ABCD3: variants seen among roughly 807,000 people sequenced by gnomAD.
ABCD3 encodes the protein ATP binding cassette subfamily D member 3.
In ABCD3, 41 loss-of-function variants were observed where a neutral mutation model predicts 105.5. The ratio of observed to expected loss-of-function variants is 0.39; its 90% confidence interval spans 0.30 to 0.50. The LOEUF (loss-of-function observed/expected upper bound fraction) is 0.50, where lower values mean the gene tolerates loss of function less well. ABCD3 is among the 20% of genes least tolerant of loss of function. The probability of loss-of-function intolerance (pLI) is 0.84; values close to 1 mark genes in which losing one functional copy is unlikely to be tolerated. For missense variants in ABCD3, 622 were observed against 806.3 expected (o/e 0.77, Z 2.77); for synonymous variants, 258 against 269.0 (o/e 0.96, Z 0.40).
At chr1:94,427,128 T>C (rs1659498699) in intron 1 of ABCD3, among the ~76,000 whole-genome samples, 1 of 152,152 alleles carries the variant, frequency 6.6e-6, no homozygotes, top group South Asian at 2.1e-4. Flanking sequence ...TTCCTTCTGG[T>C]AGTAGACCTG....
At chr1:94,466,970 G>A (rs1019715064) in intron 3 of ABCD3, among the ~76,000 whole-genome samples, 2 of 152,122 alleles carry the variant, frequency 1.3e-5, no homozygotes, top group Admixed American at 6.5e-5. Context: ...TTAAATATGT[G>A]TACTTGGGGT....
upstream of ABCD3, among the ~76,000 whole-genome samples, chr1:94,414,750 C>T (rs1294355434): frequency 6.6e-6 from 1 of 152,196 alleles, no homozygotes; most frequent in Non-Finnish European, 1.5e-5. Context: ...CTGCTTCGGT[C>T]TCTGCATCTT....
intron 9 of ABCD3, among the ~76,000 whole-genome samples, chr1:94,481,333 A>C (rs1363523964): frequency 6.6e-6 from 1 of 152,176 alleles, no homozygotes. Context: ...GGCATTTGCA[A>C]ATGACAGTTC....
At chr1:94,402,595 T>C in the ABCD3 span, among the ~76,000 whole-genome samples, 4 of 152,160 alleles carry the variant, frequency 2.6e-5, no homozygotes, top group Admixed American at 2.6e-4. Flanking sequence ...CTACCAATAG[T>C]ATTCCAGTTT....
chr1:94,445,279 C>T (rs1030131976), intron 1 of ABCD3, among the ~76,000 whole-genome samples: 4 of 152,190 alleles, frequency 2.6e-5, no homozygotes, highest in East Asian at 3.9e-4. Context: ...AAGGTCTCCA[C>T]GACCAAGGTG....
intron 1 of ABCD3, among the ~76,000 whole-genome samples, chr1:94,434,282 T>G (rs554970708): frequency 6.6e-6 from 1 of 152,226 alleles, no homozygotes; most frequent in Non-Finnish European, 1.5e-5. Flanking sequence ...GTCATTCATA[T>G]GATAGCAGTA....
At chr1:94,508,996 G>T (rs1415490076) in intron 21 of ABCD3, among the ~76,000 whole-genome samples, 2 of 152,006 alleles carry the variant, frequency 1.3e-5, no homozygotes, top group Non-Finnish European at 2.9e-5. Flanking sequence ...CTGCCTAATT[G>T]TCCTGGCCAG....
intron 1 of ABCD3, chr1:94,419,445 AC>A (rs758575892): frequency 1.9e-5 from 14 of 742,964 alleles, no homozygotes; most frequent in Non-Finnish European, 2.1e-5. Flanking sequence ...GAGCTGAATT[AC>A]GGTTGCGACA....
chr1:94,398,303 C>G, the ABCD3 span, among the ~76,000 whole-genome samples: 17 of 152,242 alleles, frequency 1.1e-4, no homozygotes, highest in Admixed American at 1.3e-4. Flanking sequence ...CATTTTCTGA[C>G]AGTGGGAAAC....
chr1:94,429,170 A>G (rs1659581556), intron 1 of ABCD3, among the ~76,000 whole-genome samples: 1 of 152,114 alleles, frequency 6.6e-6, no homozygotes, highest in African/African-American at 2.4e-5. Flanking sequence ...AACTTGAGAG[A>G]GGTGATTAGG....
chr1:94,454,052 A>T (rs1647414123), intron 1 of ABCD3, among the ~76,000 whole-genome samples: 2 of 151,846 alleles, frequency 1.3e-5, no homozygotes, highest in African/African-American at 2.4e-5. Context: ...ATGTATGGGC[A>T]TGCATATGTG....
At chr1:94,480,775 T>C (rs942838249) in intron 9 of ABCD3, among the ~76,000 whole-genome samples, 169 bp downstream of exon 9, 6 of 152,328 alleles carry the variant, frequency 3.9e-5, no homozygotes, top group Middle Eastern at 6.8e-3. Flanking sequence ...TAATCATGAA[T>C]ATTTTGAACT....
intron 1 of ABCD3, among the ~76,000 whole-genome samples, chr1:94,433,813 A>T (rs904410269): frequency 2.0e-5 from 3 of 146,570 alleles, no homozygotes; most frequent in African/African-American, 7.6e-5. Flanking sequence ...TGCCCTGCTA[A>T]TTTTTTTTTT....
chr1:94,389,264 G>A, the ABCD3 span, among the ~76,000 whole-genome samples: 1 of 152,154 alleles, frequency 6.6e-6, no homozygotes, highest in Non-Finnish European at 1.5e-5. Context: ...TTGGGAACAG[G>A]CCCCCACATC....
In ABCD3 at chr1:94,458,659, ATCT is replaced by A. The variant is rs774237879; in HGVS notation, c.147+21_147+23del. The A allele has an allele frequency of 1.4e-5, 22 of 1,607,090 alleles. No homozygotes were observed. In the South Asian group the frequency reaches 2.0e-4, roughly 15 times the overall value. ...GAACAATGAGGTAAAAGTTTAAATC[ATCT>A]TCTTTTTGGGATTTCATGCATTTAT... On this transcript the variant is annotated intron_variant, in intron 2 of 22. Transcript: ENST00000370214.
At chr1:94,424,136 A>C (rs761145955) in intron 1 of ABCD3, among the ~76,000 whole-genome samples, 1 of 152,192 alleles carries the variant, frequency 6.6e-6, no homozygotes, top group African/African-American at 2.4e-5. Context: ...TGTGTACTGA[A>C]CCCAACTGAG....
At chr1:94,469,343 T>C (rs183363513) in intron 4 of ABCD3, among the ~76,000 whole-genome samples, 14 of 152,244 alleles carry the variant, frequency 9.2e-5, no homozygotes, top group African/African-American at 3.1e-4. Flanking sequence ...AAAAATTATA[T>C]AATTTTTGGT....
chr1:94,471,276 G>A lies in ABCD3; in HGVS notation c.336-2490G>A, dbSNP rs183076449. ...AGAAAAGTTGAAAAATAGAATAAGG[G>A]GCTGGGTGTGGTGGCTCATACCTGT... On this transcript the variant is annotated intron_variant, in intron 4 of 22. Coordinates refer to ENST00000370214, the MANE Select transcript of ABCD3 (RefSeq NM_002858.4). Among the ~76,000 whole-genome samples, 28 of 152,064 alleles carry A rather than the reference G, an allele frequency of 1.8e-4. No individual in the cohort carries two copies. The East Asian group carries it at 5.2e-3, about 28-fold the overall frequency.
At chr1:94,410,815 A>G in the ABCD3 span, among the ~76,000 whole-genome samples, 5 of 152,226 alleles carry the variant, frequency 3.3e-5, no homozygotes, top group African/African-American at 9.6e-5. Flanking sequence ...GAACTTTGAC[A>G]TAATTCTTAA....
Sources: allele counts gnomAD v4.1 joint callset (sites outside exome capture counted in the v4.1 genomes callset), GRCh38; gene constraint gnomAD v4.1.1; transcripts MANE v1.5; gene names NCBI Gene and HGNC (gene_info 2026-07-23, HGNC 2026-07-21).